JAM3: variants seen among roughly 807,000 people sequenced by gnomAD.
JAM3 encodes junctional adhesion molecule 3.
A neutral mutation model predicts 39.4 loss-of-function variants in JAM3; 31 were observed. The observed-to-expected ratio is 0.79, with a 90% CI of 0.59 to 1.06. JAM3 has a LOEUF of 1.06. Among genes scored for constraint, JAM3 ranks in the 50% least tolerant of loss-of-function variants. The pLI is 0.00. For synonymous variants in JAM3, 182 were observed against 148.7 expected (o/e 1.22, Z -1.63); for missense variants, 455 against 391.4 (o/e 1.16, Z -1.37).
intron 1 of JAM3, among the ~76,000 whole-genome samples, chr11:134,133,182 T>C (rs952244225): frequency 6.6e-6 from 1 of 151,530 alleles, no homozygotes; most frequent in South Asian, 2.1e-4. Context: ...TATTCTAATA[T>C]TTTTGGTGTG....
intron 1 of JAM3, among the ~76,000 whole-genome samples, chr11:134,131,142 AG>A (rs1159466958): frequency 1.2e-4 from 18 of 150,224 alleles, no homozygotes; most frequent in African/African-American, 4.4e-4. Context: ...GCTGATCTCT[AG>A]ATTCAGAATA....
chr11:134,143,707 T>C (rs1408187377), intron 3 of JAM3, among the ~76,000 whole-genome samples: 3 of 152,382 alleles, frequency 2.0e-5, no homozygotes, highest in African/African-American at 7.2e-5. Context: ...TTTTAGTGTG[T>C]GCTTGTGCTT....
intron 1 of JAM3, among the ~76,000 whole-genome samples, chr11:134,075,749 A>G (rs888884419): frequency 6.6e-6 from 1 of 152,078 alleles, no homozygotes; most frequent in Non-Finnish European, 1.5e-5. Flanking sequence ...CAGTTATTCT[A>G]CTTGTTATAT....
chr11:134,139,319 C>G (rs1453142595), intron 1 of JAM3, among the ~76,000 whole-genome samples: 1 of 152,180 alleles, frequency 6.6e-6, no homozygotes, highest in South Asian at 2.1e-4. Context: ...AAAACTTCTT[C>G]GTGGACTGGA....
chr11:134,069,382 C>A lies in JAM3; in HGVS notation c.76+223C>A, dbSNP rs534135315. 2.6e-5 allele frequency among the ~76,000 whole-genome samples: 4 copies of A among 152,192 alleles called. No homozygotes were observed. The East Asian group carries it at 7.8e-4, about 30-fold the overall frequency. On this transcript the variant is annotated intron_variant, in intron 1 of 8. Coordinates refer to ENST00000299106, the MANE Select transcript of JAM3 (RefSeq NM_032801.5). ...GCCCTGGGACGCCCGGCAGTTGGAC[C>A]GGGGCGGGGAGCTAATTTGGGATGG...
chr11:134,124,363 G>A (rs757197518), intron 1 of JAM3: 2 of 692,842 alleles, frequency 2.9e-6, no homozygotes, highest in Non-Finnish European at 5.3e-6. Context: ...GCGTGTGAGT[G>A]TGATGGGAAA....
intron 3 of JAM3, among the ~76,000 whole-genome samples, chr11:134,141,954 C>T (rs1462621284): frequency 6.6e-6 from 1 of 151,582 alleles, no homozygotes; most frequent in East Asian, 2.0e-4. Flanking sequence ...TTCTCAGTGT[C>T]GCCGGGAGCC....
At chr11:134,149,089 T>C in intron 8 of JAM3, 57 bp from the exon 9 acceptor site, 1 of 1,607,954 alleles carries the variant, frequency 6.2e-7, no homozygotes, top group Non-Finnish European at 8.5e-7. Flanking sequence ...TACTCCGTGT[T>C]TTTCCCTGCT....
intron 1 of JAM3, among the ~76,000 whole-genome samples, chr11:134,120,933 C>T (rs1172709699): frequency 1.3e-5 from 2 of 152,194 alleles, no homozygotes; most frequent in Non-Finnish European, 2.9e-5. Context: ...ATTTTATAGC[C>T]AGTAACTCTT....
intron 1 of JAM3, among the ~76,000 whole-genome samples, chr11:134,080,352 A>G (rs1941644750): frequency 6.6e-6 from 1 of 152,106 alleles, no homozygotes; most frequent in Non-Finnish European, 1.5e-5. Context: ...AAATCTATGG[A>G]CTCCTCCAAA....
Position 134,148,954 on chromosome 11 carries a change from TAACACACACA to T in JAM3, c.897+137_897+146del, listed in dbSNP as rs886431780. On this transcript the variant is annotated intron_variant, in intron 8 of 8. Coordinates refer to ENST00000299106, the MANE Select transcript of JAM3 (RefSeq NM_032801.5). Reference sequence around the variant, plus strand: ...CCTGAGCTCCTCAGCCCCTTCACAGTAACACACACACACACACACACACACACACACACAC... The same window carrying T: ...CCTGAGCTCCTCAGCCCCTTCACAGTCACACACACACACACACACACACAC... 1.9e-4 allele frequency: 142 copies of T among 763,322 alleles called. 1 individual carries two copies. The highest frequency in any genetic ancestry group is 3.8e-4 in the African/African-American group (18 of 47,828). The allele number at this position is 763,322 out of a possible 1,614,324, so 47.3% of individuals were successfully genotyped here.
At chr11:134,146,801 G>A (rs1257392085) in intron 6 of JAM3, among the ~76,000 whole-genome samples, 1 of 152,184 alleles carries the variant, frequency 6.6e-6, no homozygotes, top group Admixed American at 6.5e-5. Context: ...CTGGCCTCAA[G>A]CAATCCTCCT....
chr11:134,145,442 A>G (rs577158220), intron 5 of JAM3: 42 of 323,648 alleles, frequency 1.3e-4, no homozygotes, highest in Non-Finnish European at 2.4e-4. Context: ...ATTTGTTTCA[A>G]AATAACCCAG....
At chr11:134,091,443 G>A (rs1323252320) in intron 1 of JAM3, among the ~76,000 whole-genome samples, 1 of 152,058 alleles carries the variant, frequency 6.6e-6, no homozygotes, top group Non-Finnish European at 1.5e-5. Context: ...AGGTTGCAGT[G>A]AGCCGAGATC....
chr11:134,113,923 G>T (rs1310811201), intron 1 of JAM3, among the ~76,000 whole-genome samples: 5 of 152,170 alleles, frequency 3.3e-5, no homozygotes, highest in African/African-American at 4.8e-5. Flanking sequence ...TGGTTTTGAT[G>T]TGCATTTGTC....
At chr11:134,149,110 C>A in intron 8 of JAM3, 36 bp from the exon 9 acceptor site, 2 of 1,613,462 alleles carry the variant, frequency 1.2e-6, no homozygotes, top group Non-Finnish European at 1.7e-6. Context: ...TGCCACCAGG[C>A]CCCTTGATGG....
chr11:134,144,139 C>T (rs1943026076), intron 3 of JAM3, 102 bp from the exon 4 acceptor site: 1 of 1,095,464 alleles, frequency 9.1e-7, no homozygotes, highest in Non-Finnish European at 1.4e-6. Flanking sequence ...GATCTGCAGG[C>T]TTCCTTGCTG....
intron 1 of JAM3, among the ~76,000 whole-genome samples, chr11:134,110,921 T>C (rs1363130398): frequency 6.6e-6 from 1 of 151,994 alleles, no homozygotes; most frequent in Non-Finnish European, 1.5e-5. Context: ...TGTGAATGAG[T>C]GATCTGGTGA....
intron 1 of JAM3, among the ~76,000 whole-genome samples, chr11:134,099,029 A>ATC (rs997502080): frequency 3.3e-5 from 5 of 152,016 alleles, no homozygotes; most frequent in African/African-American, 1.2e-4. Context: ...ATGAAATCCC[A>ATC]TCTCTGCAAA....
Sources: allele counts gnomAD v4.1 joint callset (sites outside exome capture counted in the v4.1 genomes callset), GRCh38; gene constraint gnomAD v4.1.1; transcripts MANE v1.5; gene names NCBI Gene and HGNC (gene_info 2026-07-23, HGNC 2026-07-21).